The following LATS1 variants were observed in gnomAD, a reference collection of about 807,000 sequenced individuals.
LATS1 encodes large tumor suppressor kinase 1, also known as serine/threonine-protein kinase LATS1.
A neutral mutation model predicts 106.6 loss-of-function variants in LATS1; 25 were observed. The observed-to-expected ratio is 0.23, with a 90% confidence interval of 0.17 to 0.33. LATS1 has a LOEUF of 0.33. LATS1 is among the 10% of genes least tolerant of loss of function. The probability of loss-of-function intolerance (pLI) is 1.00; values close to 1 mark genes in which losing one functional copy is unlikely to be tolerated. For synonymous variants in LATS1, 465 were observed against 455.6 expected (o/e 1.02, Z -0.26); for missense variants, 1,040 against 1,382.6 (o/e 0.75, Z 3.93).
rs1012565052 is a variant in LATS1, at chr6:149,659,366, G to A, written c.*2363C>T. Reference sequence around the variant, plus strand: ...GCCCAGCTACTTGGGAGGCTGAGGCGGGAGGACTGCGTGAGCCCCCAAGGT... The same window carrying A: ...GCCCAGCTACTTGGGAGGCTGAGGCAGGAGGACTGCGTGAGCCCCCAAGGT... On this transcript the variant is annotated 3_prime_UTR_variant, in exon 8 of 8. Coordinates refer to ENST00000543571, the MANE Select transcript of LATS1 (RefSeq NM_004690.4). 20 of 200,388 alleles carry A rather than the reference G, an allele frequency of 1.0e-4. No homozygotes were observed. The highest frequency in any genetic ancestry group is 3.0e-4 in the Admixed American group (5 of 16,596). The allele number at this position is 200,388 out of a possible 1,614,324, so 12.4% of individuals were successfully genotyped here.
chr6:149,689,268 A>C (rs1434444714), intron 3 of LATS1, among the ~76,000 whole-genome samples: 1 of 151,840 alleles, frequency 6.6e-6, no homozygotes, highest in African/African-American at 2.4e-5. Flanking sequence ...ATGAAGGGGG[A>C]AAGTGGTATT....
intron 2 of LATS1, among the ~76,000 whole-genome samples, chr6:149,700,876 C>T (rs1311395501): frequency 2.0e-5 from 3 of 152,194 alleles, no homozygotes; most frequent in Admixed American, 2.0e-4. Context: ...CTCTGCCTCC[C>T]GGGTTCAAGA....
Position 149,701,417 on chromosome 6 carries a change from T to C in LATS1, c.348+362A>G, listed in dbSNP as rs191934874. ...AAGTTAAATTTCATATCCTTGGAACTATCATTTCCCCAACAGCCACTTAGT... is the reference window on the plus strand; with the variant it reads ...AAGTTAAATTTCATATCCTTGGAACCATCATTTCCCCAACAGCCACTTAGT... On this transcript the variant is annotated intron_variant, in intron 2 of 7. Coordinates refer to ENST00000543571, the MANE Select transcript of LATS1 (RefSeq NM_004690.4). 2.6e-5 allele frequency among the ~76,000 whole-genome samples: 4 copies of C among 152,294 alleles called. No individual in the cohort carries two copies. In the East Asian group the frequency reaches 5.8e-4, roughly 22 times the overall value.
At chr6:149,704,298 C>T (rs778206720) in intron 1 of LATS1, among the ~76,000 whole-genome samples, 5 of 151,754 alleles carry the variant, frequency 3.3e-5, no homozygotes, top group African/African-American at 7.3e-5. Context: ...CCACTGTGGC[C>T]GGCAGAATGA....
intron 7 of LATS1, among the ~76,000 whole-genome samples, chr6:149,672,376 A>G (rs563840830): frequency 2.1e-5 from 3 of 144,426 alleles, no homozygotes; most frequent in Non-Finnish European, 4.5e-5. Flanking sequence ...ATGCCTGGCT[A>G]ATTTTTTATT....
chr6:149,684,791 T>C (rs1392745354), intron 3 of LATS1, among the ~76,000 whole-genome samples, 199 bp from the exon 4 acceptor site: 5 of 152,012 alleles, frequency 3.3e-5, no homozygotes, highest in East Asian at 1.9e-4. Flanking sequence ...CTCCTGAAAA[T>C]TGCCGAGAGT....
chr6:149,664,719 A>T (rs567788593), intron 7 of LATS1, among the ~76,000 whole-genome samples: 1 of 152,036 alleles, frequency 6.6e-6, no homozygotes, highest in Non-Finnish European at 1.5e-5. Context: ...GTGACCATTT[A>T]AAAAAAATTA....
chr6:149,675,281 T>C (rs1398312523), intron 7 of LATS1, among the ~76,000 whole-genome samples: 2 of 150,042 alleles, frequency 1.3e-5, no homozygotes, highest in Non-Finnish European at 1.5e-5. Flanking sequence ...GGAAGGGTTA[T>C]AGAAGAGAGA....
Position 149,684,187 on chromosome 6 carries a change from G to A in LATS1, c.902C>T (p.Pro301Leu). 2 of 1,614,232 alleles carry A rather than the reference G, an allele frequency of 1.2e-6. No homozygotes were observed. Among genetic ancestry groups the A allele is most frequent in the Non-Finnish European group, 1.7e-6 (2 of 1,180,042 alleles). Residue 301 changes from proline (P) to leucine (L), a missense_variant, in exon 4 of 8, where the codon CCT becomes CTT. Transcript: ENST00000543571. ...GGGGGAAGTGTTGAGAGGTGGTGGA[G>A]GATAGCCCTCTTGCCATGCCCCAGG... ...VPPGAWQEGY[P>L]PPPLNTSPMN...
At chr6:149,671,639 T>G (rs543994300) in intron 7 of LATS1, among the ~76,000 whole-genome samples, 5 of 152,118 alleles carry the variant, frequency 3.3e-5, no homozygotes, top group African/African-American at 1.2e-4. Flanking sequence ...AGCTTCACAG[T>G]ACATTTTAAA....
chr6:149,683,580 T>C lies in LATS1; in HGVS notation c.1509A>G (p.Val503=). The part of the protein sequence containing the change: ...PIQQPVKSMR[V]LKPELQTALA... ...AAGCAGTCTGTAGCTCTGGTTTTAA[T>C]ACACGCATACTTTTCACAGGCTGTT... Residue 503 remains valine (V), a synonymous_variant, in exon 4 of 8, where the codon GTA becomes GTG. Coordinates refer to ENST00000543571, the MANE Select transcript of LATS1 (RefSeq NM_004690.4). 1.9e-6 allele frequency: 3 copies of C among 1,614,252 alleles called. No homozygotes were observed. The highest frequency in any genetic ancestry group is 1.7e-6 in the Non-Finnish European group (2 of 1,180,036).
chr6:149,669,037 G>A (rs1781310384), intron 7 of LATS1, among the ~76,000 whole-genome samples: 3 of 151,834 alleles, frequency 2.0e-5, no homozygotes, highest in South Asian at 2.1e-4. Context: ...TGCCCAAGCC[G>A]ATCTCAAACT....
intron 3 of LATS1, among the ~76,000 whole-genome samples, chr6:149,689,932 G>A (rs1230913589): frequency 6.6e-6 from 1 of 151,366 alleles, no homozygotes; most frequent in East Asian, 1.9e-4. Flanking sequence ...CTTAACTGGA[G>A]TCTTCCAATT....
intron 7 of LATS1, among the ~76,000 whole-genome samples, chr6:149,666,759 G>A (rs763257213): frequency 4.6e-5 from 7 of 151,780 alleles, no homozygotes; most frequent in African/African-American, 1.5e-4. Flanking sequence ...TGGCTAACAC[G>A]GTGAAACCCC....
intron 5 of LATS1, among the ~76,000 whole-genome samples, chr6:149,679,078 A>G (rs1781888896): frequency 6.6e-6 from 1 of 152,188 alleles, no homozygotes; most frequent in Non-Finnish European, 1.5e-5. Flanking sequence ...TTATTTAAAG[A>G]TATACACATT....
chr6:149,685,737 A>G (rs1284873844), intron 3 of LATS1, among the ~76,000 whole-genome samples: 2 of 152,132 alleles, frequency 1.3e-5, no homozygotes, highest in African/African-American at 4.8e-5. Context: ...AATTAGCTGA[A>G]TATTAAATAA....
chr6:149,703,378 G>A (rs1783574853), intron 1 of LATS1, among the ~76,000 whole-genome samples: 1 of 152,190 alleles, frequency 6.6e-6, no homozygotes, highest in African/African-American at 2.4e-5. Context: ...CTCTGATATG[G>A]TTTGGATCTG....
intron 7 of LATS1, among the ~76,000 whole-genome samples, chr6:149,665,938 T>C (rs923163955): frequency 2.6e-5 from 4 of 151,814 alleles, no homozygotes; most frequent in Admixed American, 2.6e-4. Flanking sequence ...GGTCAGGAGT[T>C]TGAGACCAGC....
intron 7 of LATS1, among the ~76,000 whole-genome samples, chr6:149,663,360 T>A (rs2114684259): frequency 6.6e-6 from 1 of 152,202 alleles, no homozygotes; most frequent in East Asian, 1.9e-4. Context: ...TGTACACCTG[T>A]GGTCCCAGCT....
Sources: allele counts gnomAD v4.1 joint callset (sites outside exome capture counted in the v4.1 genomes callset), GRCh38; gene constraint gnomAD v4.1.1; transcripts MANE v1.5; gene names NCBI Gene and HGNC (gene_info 2026-07-23, HGNC 2026-07-21).